Variants in DLC1 observed in about 807,000 individuals in gnomAD.
DLC1 encodes the protein rho GTPase-activating protein 7.
In DLC1, 54 loss-of-function variants were observed where a neutral mutation model predicts 140.3. The ratio of observed to expected loss-of-function variants is 0.38; its 90% CI spans 0.31 to 0.48. The LOEUF (loss-of-function observed/expected upper bound fraction) is 0.48, where lower values mean the gene tolerates loss of function less well. Ranked by LOEUF, DLC1 falls within the 20% of genes least tolerant of loss-of-function variation. The probability of loss-of-function intolerance (pLI) is 0.96; values close to 1 mark genes in which losing one functional copy is unlikely to be tolerated. For synonymous variants in DLC1, 986 were observed against 728.1 expected (o/e 1.35, Z -5.70); for missense variants, 2,536 against 1,907.0 (o/e 1.33, Z -6.14).
chr8:13,259,624 C>A (rs1465238612), intron 5 of DLC1, among the ~76,000 whole-genome samples: 1 of 152,052 alleles, frequency 6.6e-6, no homozygotes, highest in African/African-American at 2.4e-5. Context: ...TTTCCACCTG[C>A]CCTACTTAAA....
At chr8:13,251,078 G>T (rs1766499844) in intron 5 of DLC1, among the ~76,000 whole-genome samples, 1 of 152,252 alleles carries the variant, frequency 6.6e-6, no homozygotes, top group Admixed American at 6.5e-5. Flanking sequence ...TCTCTCCCTG[G>T]CTTATAGACA....
intron 2 of DLC1, among the ~76,000 whole-genome samples, chr8:13,405,480 G>C (rs1398139539): frequency 1.3e-5 from 2 of 152,170 alleles, no homozygotes; most frequent in Admixed American, 1.3e-4. Context: ...AAAAGTTCAA[G>C]GTTCCAGTGC....
At chr8:13,432,171 A>G (rs1024943553) in intron 2 of DLC1, among the ~76,000 whole-genome samples, 3 of 152,234 alleles carry the variant, frequency 2.0e-5, no homozygotes, top group Non-Finnish European at 2.9e-5. Flanking sequence ...CTATTTTCAC[A>G]CAAAGTATCA....
intron 14 of DLC1, among the ~76,000 whole-genome samples, chr8:13,091,074 T>C (rs13275568): frequency 0.038 from 5,714 of 152,150 alleles, 156 homozygotes; most frequent in Middle Eastern, 0.078. Context: ...TCCCAAAGTG[T>C]TAGAATTACA....
intron 5 of DLC1, among the ~76,000 whole-genome samples, chr8:13,302,288 T>C (rs1832232494): frequency 6.6e-6 from 1 of 152,214 alleles, no homozygotes; most frequent in Non-Finnish European, 1.5e-5. Flanking sequence ...GCAGAGGCCA[T>C]GCCTTGTTCA....
chr8:13,209,580 C>A (rs1827839090), intron 5 of DLC1, among the ~76,000 whole-genome samples: 1 of 152,044 alleles, frequency 6.6e-6, no homozygotes, highest in Non-Finnish European at 1.5e-5. Flanking sequence ...GAAATGTAAT[C>A]CTCAGTGTTG....
intron 5 of DLC1, among the ~76,000 whole-genome samples, chr8:13,226,202 C>G (rs1228284033): frequency 1.3e-5 from 2 of 152,188 alleles, no homozygotes; most frequent in Non-Finnish European, 2.9e-5. Flanking sequence ...GAATGAGCCA[C>G]TATGCCCAGC....
At chr8:13,124,140 T>G (rs746496841) in intron 5 of DLC1, among the ~76,000 whole-genome samples, 5 of 152,210 alleles carry the variant, frequency 3.3e-5, no homozygotes, top group Non-Finnish European at 5.9e-5. Context: ...CATGCATAGT[T>G]TTTCTTCTAA....
chr8:13,111,367 A>T lies in DLC1; in HGVS notation c.1421-544T>A, dbSNP rs539576293. 2.0e-5 allele frequency among the ~76,000 whole-genome samples: 3 copies of T among 152,318 alleles called. No individual in the cohort carries two copies. In the East Asian group the frequency reaches 5.8e-4, roughly 29 times the overall value. On this transcript the variant is annotated intron_variant, in intron 6 of 17. Coordinates refer to ENST00000276297, the MANE Select transcript of DLC1 (RefSeq NM_182643.3). ...ATGCTTTTTAAAAACAAATATTAGC[A>T]CTGCAATATGGCCTTGCAGGAATTG...
At chr8:13,086,620 C>T (rs1179196633) in intron 16 of DLC1, among the ~76,000 whole-genome samples, 157 bp from the exon 17 acceptor site, 1 of 152,232 alleles carries the variant, frequency 6.6e-6, no homozygotes, top group African/African-American at 2.4e-5. Context: ...CTCTAAACTA[C>T]TTGCTATGGT....
chr8:13,142,831 C>G (rs1429270502), intron 5 of DLC1, among the ~76,000 whole-genome samples: 1 of 152,152 alleles, frequency 6.6e-6, no homozygotes, highest in East Asian at 1.9e-4. Flanking sequence ...AGGTGGATCA[C>G]CTGAGGTTGG....
At chr8:13,217,042 C>G (rs1200729821) in intron 5 of DLC1, among the ~76,000 whole-genome samples, 1 of 152,102 alleles carries the variant, frequency 6.6e-6, no homozygotes, top group Non-Finnish European at 1.5e-5. Context: ...ATCTAAGCCC[C>G]ACTTCCTAGT....
At chr8:13,097,949 C>A (rs1174326498) in intron 10 of DLC1, among the ~76,000 whole-genome samples, 1 of 149,184 alleles carries the variant, frequency 6.7e-6, no homozygotes, top group Non-Finnish European at 1.5e-5. Flanking sequence ...CTTGGGAGGC[C>A]GAGGCAGGTG....
At chr8:13,144,333 A>G (rs911249645) in intron 5 of DLC1, among the ~76,000 whole-genome samples, 1 of 152,194 alleles carries the variant, frequency 6.6e-6, no homozygotes, top group Non-Finnish European at 1.5e-5. Flanking sequence ...ACTGAGAGTT[A>G]CCACTGTCAG....
chr8:13,582,677 T>A (rs1805149152), intron 1 of DLC1, among the ~76,000 whole-genome samples: 1 of 151,730 alleles, frequency 6.6e-6, no homozygotes, highest in Non-Finnish European at 1.5e-5. Flanking sequence ...TAATACTTAA[T>A]AAACTTCCAT....
chr8:13,306,270 A>T (rs1832423182), intron 4 of DLC1, among the ~76,000 whole-genome samples: 1 of 152,222 alleles, frequency 6.6e-6, no homozygotes, highest in South Asian at 2.1e-4. Context: ...GTTCAGAATG[A>T]GATCTTTCCA....
chr8:13,205,153 A>G (rs1276303143), intron 5 of DLC1, among the ~76,000 whole-genome samples: 1 of 152,170 alleles, frequency 6.6e-6, no homozygotes, highest in Non-Finnish European at 1.5e-5. Flanking sequence ...AGGAAAACAG[A>G]GTTCATTTCA....
In DLC1 at chr8:13,100,280, G is replaced by C. The variant is rs142931995; in HGVS notation, c.2057C>G (p.Ala686Gly). The change falls in exon 9 of 18, where the codon GCG becomes GGG. Residue 686 changes from alanine (A) to glycine (G), a missense_variant. Ala to Gly is a moderately conservative substitution (Grantham distance 60). Coordinates refer to ENST00000276297, the MANE Select transcript of DLC1 (RefSeq NM_182643.3). Reference protein sequence around the residue: ...LKSSHHSKHKAPSKLGLIISG... With the variant: ...LKSSHHSKHKGPSKLGLIISG... ...GATGATCAACCCCAGCTTTGAGGGC[G>C]CTTTGTGCTTGCTGTGATGGGAGCT... 270 of 1,613,962 alleles carry C rather than the reference G, an allele frequency of 1.7e-4. No individual in the cohort carries two copies. Among genetic ancestry groups the C allele is most frequent in the Admixed American group, 1.2e-4 (7 of 60,016 alleles).
intron 7 of DLC1, among the ~76,000 whole-genome samples, chr8:13,106,844 A>G (rs370129893): frequency 6.6e-6 from 1 of 152,220 alleles, no homozygotes; most frequent in Non-Finnish European, 1.5e-5. Context: ...GTCATTTTTA[A>G]TTCCAAAGGA....
Sources: allele counts gnomAD v4.1 joint callset (sites outside exome capture counted in the v4.1 genomes callset), GRCh38; gene constraint gnomAD v4.1.1; transcripts MANE v1.5; gene names NCBI Gene and HGNC (gene_info 2026-07-23, HGNC 2026-07-21).